ECM2: variants seen among roughly 807,000 people sequenced by gnomAD.
ECM2 encodes extracellular matrix protein 2, also known as extracellular matrix protein 2, female organ and adipocyte specific.
Under a neutral mutation model 67.5 loss-of-function variants are expected in ECM2, and 57 were observed. The ratio of observed to expected loss-of-function variants is 0.84; its 90% CI spans 0.68 to 1.05. ECM2 has a LOEUF of 1.05. ECM2 is among the 50% of genes least tolerant of loss of function. ECM2 has a pLI of 0.00. For missense variants in ECM2, 741 were observed against 822.8 expected, an observed-to-expected ratio of 0.90 and a Z score of 1.22; for synonymous variants, 258 against 294.5, an observed-to-expected ratio of 0.88 and a Z score of 1.27.
Position 92,501,015 on chromosome 9 carries a change from T to C in ECM2, c.1643A>G (p.Tyr548Cys), listed in dbSNP as rs776356270. The part of the protein sequence containing the change: ...ESIDLSYNKL[Y>C]HVPSYLPKSL... ...CTTGGGTAGATAGGACGGGACGTGA[T>C]AGAGCTTGTTGTAGGAGAGATCAAT... is the stretch of plus-strand genomic sequence containing the variant. Residue 548 changes from tyrosine to cysteine, a missense_variant, in exon 9 of 10, where the codon TAT (tyrosine) becomes TGT (cysteine). Transcript: ENST00000344604. The C allele has an allele frequency of 9.9e-6, 16 of 1,614,158 alleles. No homozygotes were observed. The South Asian group carries it at 1.5e-4, about 16-fold the overall frequency.
At chr9:92,540,881 TAA>T (rs1047707958), upstream of ECM2, among the ~76,000 whole-genome samples, 1 of 152,080 alleles carries the variant, frequency 6.6e-6, no homozygotes, top group African/African-American at 2.4e-5. Flanking sequence ...CTAAAAATAT[TAA>T]AGAGCAAAAA....
intron 7 of ECM2, 25 bp from the exon 8 acceptor site, chr9:92,502,677 ATTTTTC>A (rs1463995632): frequency 6.6e-7 from 1 of 1,512,288 alleles, no homozygotes; most frequent in African/African-American, 1.4e-5. Flanking sequence ...GAAGACTATT[ATTTTTC>A]TTTTGTGTTA....
At position 92,500,971 on chromosome 9, in the gene ECM2, G is replaced by A; in HGVS notation, c.1687C>T (p.Leu563Phe). ...YLPKSLLHLV[L>F]LGNQIERIPG... ...ATCCGTTCAATCTGGTTCCCAAGGA[G>A]TACTAGGTGCAGCAAGGACTTGGGT... The change falls in exon 9 of 10, where the codon CTC becomes TTC. Residue 563 changes from leucine to phenylalanine, a missense_variant. Transcript: ENST00000344604. 3.1e-6 allele frequency: 5 copies of A among 1,614,182 alleles called. No homozygotes were observed. The highest frequency in any genetic ancestry group is 4.2e-6 in the Non-Finnish European group (5 of 1,180,030).
At chr9:92,518,166 C>A (rs1409838895) in intron 2 of ECM2, among the ~76,000 whole-genome samples, 1 of 152,194 alleles carries the variant, frequency 6.6e-6, no homozygotes, top group Non-Finnish European at 1.5e-5. Context: ...AATTATACAA[C>A]ATCAACAAAC....
rs764663897 is a variant in ECM2 at position 92,500,922 on chromosome 9, A to AT, written c.1735dup (p.Met579AsnfsTer13). 5 of 1,614,216 alleles carry AT rather than the reference A, an allele frequency of 3.1e-6. No individual in the cohort carries two copies. The highest frequency in any genetic ancestry group is 4.2e-6 in the Non-Finnish European group (5 of 1,180,038). On this transcript the variant is annotated frameshift_variant, in exon 9 of 10. Coordinates refer to ENST00000344604, the MANE Select transcript of ECM2 (RefSeq NM_001393.4). LOFTEE classifies it high-confidence loss of function. ...GTACAAGTATTCCAGGCCTGGTTCC[A>AT]TGTGGCCAAACACATAGCCAGGGAT...
chr9:92,508,989 T>C (rs2131182097), intron 6 of ECM2, among the ~76,000 whole-genome samples: 1 of 151,918 alleles, frequency 6.6e-6, no homozygotes. Flanking sequence ...AAGTACACAG[T>C]ACAATCAAAG....
intron 4 of ECM2, among the ~76,000 whole-genome samples, chr9:92,513,430 G>A (rs765300697): frequency 1.4e-4 from 21 of 152,170 alleles, no homozygotes; most frequent in Admixed American, 2.6e-4. Flanking sequence ...TACCATATCC[G>A]CAGTCCCACT....
Position 92,502,615 on chromosome 9 carries a change from G to A in ECM2, c.1502C>T (p.Thr501Ile), listed in dbSNP as rs1394575979. 3.7e-6 allele frequency: 6 copies of A among 1,601,670 alleles called. No individual in the cohort carries two copies. In the Admixed American group the frequency reaches 5.1e-5, roughly 14 times the overall value. Residue 501 changes from threonine to isoleucine, a missense_variant, in exon 8 of 10, where the codon ACT becomes ATT. Physicochemically the swap from Thr to Ile is moderately conservative, Grantham distance 89. Coordinates refer to ENST00000344604, the MANE Select transcript of ECM2 (RefSeq NM_001393.4). ...TCTGGTATGATTGAAACAAATTTCA[G>A]TTATTTCTTCAATTTGGTTATTTTC... ...YLENNQIEEI[T>I]EICFNHTRKI...
chr9:92,502,152 T>C (rs915517632), intron 8 of ECM2, among the ~76,000 whole-genome samples: 1 of 152,146 alleles, frequency 6.6e-6, no homozygotes, highest in Non-Finnish European at 1.5e-5. Flanking sequence ...ACCTGTGAGG[T>C]AGACAGAGCT....
At position 92,502,517 on chromosome 9, in the gene ECM2, G is replaced by C. The variant is rs1316047408; in HGVS notation, c.1600C>G (p.Gln534Glu). The C allele has an allele frequency of 6.2e-7, 1 of 1,611,790 alleles. No individual in the cohort carries two copies. The highest frequency in any genetic ancestry group is 8.5e-7 in the Non-Finnish European group (1 of 1,179,020). Residue 534 changes from glutamine to glutamate, a missense_variant, in exon 8 of 10, where the codon CAA becomes GAA. By Grantham distance (29) the Gln-to-Glu change is conservative. Coordinates refer to ENST00000344604, the MANE Select transcript of ECM2 (RefSeq NM_001393.4). ...NRIAPLAWIN[Q>E]ENLESIDLSY... The stretch of plus-strand genomic sequence containing the variant: ...TAAATTGTAGCATGTACTTACTCTT[G>C]ATTTATCCAGGCTAAAGGAGCAATC...
intron 4 of ECM2, among the ~76,000 whole-genome samples, chr9:92,513,688 A>G (rs937432823): frequency 1.4e-4 from 21 of 152,336 alleles, no homozygotes; most frequent in African/African-American, 4.8e-4. Context: ...AGGGCTATGT[A>G]TTGTATGATT....
the ECM2 span, among the ~76,000 whole-genome samples, chr9:92,545,455 G>C: frequency 6.6e-6 from 1 of 152,206 alleles, no homozygotes; most frequent in South Asian, 2.1e-4. Context: ...CGCTGTGCTT[G>C]ATTTCTCGTC....
At chr9:92,510,150 G>T in intron 5 of ECM2, 116 bp from the exon 6 acceptor site, 1 of 1,180,600 alleles carries the variant, frequency 8.5e-7, no homozygotes, top group Non-Finnish European at 1.2e-6. Context: ...GGCTTAGACA[G>T]TAATGTCCAG....
At chr9:92,511,157 CCT>C (rs1847312248) in intron 5 of ECM2, among the ~76,000 whole-genome samples, 2 of 152,140 alleles carry the variant, frequency 1.3e-5, no homozygotes, top group Admixed American at 1.3e-4. Context: ...ACAGGGTCTT[CCT>C]CTGTCGCCCA....
At chr9:92,546,319 C>G in the ECM2 span, among the ~76,000 whole-genome samples, 2 of 152,206 alleles carry the variant, frequency 1.3e-5, no homozygotes, top group African/African-American at 4.8e-5. Context: ...CTAGCCCTGA[C>G]AACCCACCAG....
chr9:92,503,673 A>G (rs1846821440), intron 7 of ECM2, among the ~76,000 whole-genome samples: 1 of 152,240 alleles, frequency 6.6e-6, no homozygotes, highest in Non-Finnish European at 1.5e-5. Context: ...TAAAACTGGC[A>G]TATATCTTTA....
At chr9:92,556,900 A>G in the ECM2 span, among the ~76,000 whole-genome samples, 4 of 151,694 alleles carry the variant, frequency 2.6e-5, no homozygotes, top group African/African-American at 4.8e-5. Context: ...TTTGCTTTTT[A>G]GCTTGTATTT....
intron 2 of ECM2, among the ~76,000 whole-genome samples, chr9:92,518,901 A>C (rs1165452257): frequency 1.3e-5 from 2 of 152,174 alleles, no homozygotes; most frequent in Non-Finnish European, 2.9e-5. Context: ...TAAATAAATA[A>C]ACAAATAAAG....
At chr9:92,506,382 CA>C (rs746470223) in intron 6 of ECM2, among the ~76,000 whole-genome samples, 1 of 151,686 alleles carries the variant, frequency 6.6e-6, no homozygotes, top group Non-Finnish European at 1.5e-5. Flanking sequence ...TTTATACAAA[CA>C]AATTTTTTCT....
Sources: gnomAD v4.1 joint callset for allele counts (sites outside exome capture counted in the v4.1 genomes callset) on GRCh38, gnomAD v4.1.1 for gene constraint, MANE v1.5 for transcripts, NCBI Gene and HGNC (gene_info 2026-07-23, HGNC 2026-07-21) for gene names.